Variants in TMEM108 observed in about 807,000 individuals in gnomAD.
TMEM108 encodes the protein cancer/testis antigen 124.
TMEM108 carries 12 observed loss-of-function variants against 35.1 expected under a neutral mutation model. The ratio of observed to expected loss-of-function variants is 0.34; its 90% CI spans 0.22 to 0.55. The LOEUF (loss-of-function observed/expected upper bound fraction) is 0.55. Among genes scored for constraint, TMEM108 ranks in the 20% least tolerant of loss-of-function variants. The pLI, the probability that TMEM108 is intolerant of heterozygous loss-of-function variation, is 0.89. For missense variants in TMEM108, 680 were observed against 753.3 expected, an observed-to-expected ratio of 0.90 and a Z score of 1.14; for synonymous variants, 287 against 308.6, an observed-to-expected ratio of 0.93 and a Z score of 0.73.
At chr3:133,044,975 C>CTT (rs1437116958) in intron 1 of TMEM108, among the ~76,000 whole-genome samples, 1 of 117,758 alleles carries the variant, frequency 8.5e-6, no homozygotes, top group East Asian at 2.6e-4. Context: ...TTTTTTTTTT[C>CTT]TTTTTTTTTT....
intron 3 of TMEM108, among the ~76,000 whole-genome samples, chr3:133,376,730 GTTTTCCC>G (rs1432778210): frequency 6.6e-6 from 1 of 152,174 alleles, no homozygotes; most frequent in African/African-American, 2.4e-5. Flanking sequence ...CCTCAGATTG[GTTTTCCC>G]TGTTTCACTA....
rs1001727517 is a variant in TMEM108, at chr3:133,243,770, G to A, written c.40+14419G>A. On this transcript the variant is annotated intron_variant, in intron 3 of 5. Transcript: ENST00000321871. ...GATCTCCTGACCTCGTGATCCACCC[G>A]CCTTGGCCTCCCAAAAGTGCTGGGA... 4.5e-4 allele frequency among the ~76,000 whole-genome samples: 6 copies of A among 13,444 alleles called. No individual in the cohort carries two copies. In the Admixed American group the frequency reaches 4.8e-3, roughly 11 times the overall value. 8.8% of individuals were successfully genotyped at this position (13,444 alleles called of 152,430 possible).
chr3:133,114,427 C>G (rs1238247738), intron 2 of TMEM108, among the ~76,000 whole-genome samples: 1 of 152,150 alleles, frequency 6.6e-6, no homozygotes. Context: ...GCTGGCGAGT[C>G]ATAATGTAAC....
intron 2 of TMEM108, among the ~76,000 whole-genome samples, chr3:133,054,262 A>G (rs2107676969): frequency 6.6e-6 from 1 of 152,360 alleles, no homozygotes; most frequent in Middle Eastern, 3.4e-3. Flanking sequence ...AAAAGCATGA[A>G]TCTGTTTTTT....
At chr3:133,246,864 A>G (rs1946393678) in intron 3 of TMEM108, 1 of 152,236 alleles carries the variant, frequency 6.6e-6, no homozygotes, top group Non-Finnish European at 1.5e-5. Flanking sequence ...AGCAACTCCA[A>G]AGGAAATTGT....
chr3:133,325,442 AC>A, intron 3 of TMEM108, among the ~76,000 whole-genome samples: 1 of 152,204 alleles, frequency 6.6e-6, no homozygotes, highest in Non-Finnish European at 1.5e-5. Flanking sequence ...GCAACCAAAC[AC>A]CATCTGTTCT....
intron 2 of TMEM108, among the ~76,000 whole-genome samples, chr3:133,204,100 C>T (rs1411306246): frequency 2.0e-5 from 3 of 151,982 alleles, no homozygotes; most frequent in Admixed American, 2.0e-4. Context: ...TTATAGTATT[C>T]TCTGATGGTA....
At chr3:133,109,442 A>G (rs1475534777) in intron 2 of TMEM108, among the ~76,000 whole-genome samples, 1 of 151,990 alleles carries the variant, frequency 6.6e-6, no homozygotes, top group Non-Finnish European at 1.5e-5. Flanking sequence ...AGCTTGGTCA[A>G]CATAGTGAGA....
At chr3:133,337,912 A>G (rs1451274301) in intron 3 of TMEM108, among the ~76,000 whole-genome samples, 1 of 152,184 alleles carries the variant, frequency 6.6e-6, no homozygotes, top group Admixed American at 6.5e-5. Flanking sequence ...TGCAATTGAC[A>G]TGCTGAAGAA....
intron 3 of TMEM108, among the ~76,000 whole-genome samples, chr3:133,278,188 G>A (rs2107686481): frequency 6.6e-6 from 1 of 152,332 alleles, no homozygotes; most frequent in East Asian, 1.9e-4. Context: ...ACAAGACATG[G>A]GAAGTAAAAG....
chr3:133,283,601 A>G (rs1309608683), intron 3 of TMEM108, among the ~76,000 whole-genome samples: 8 of 152,228 alleles, frequency 5.3e-5, no homozygotes, highest in Non-Finnish European at 1.0e-4. Flanking sequence ...AGTGAGACAA[A>G]TAAGAGACTG....
chr3:133,107,662 G>A (rs564611031), intron 2 of TMEM108, among the ~76,000 whole-genome samples: 3 of 152,186 alleles, frequency 2.0e-5, no homozygotes, highest in South Asian at 2.1e-4. Flanking sequence ...GCCAAAAAAG[G>A]GATTGCTCAT....
At chr3:133,275,591 T>A (rs991515333) in intron 3 of TMEM108, among the ~76,000 whole-genome samples, 8 of 152,182 alleles carry the variant, frequency 5.3e-5, no homozygotes, top group Non-Finnish European at 1.2e-4. Flanking sequence ...AATCCGTTAC[T>A]TGCAACTCTT....
intron 3 of TMEM108, among the ~76,000 whole-genome samples, chr3:133,289,285 T>G (rs1947029638): frequency 6.6e-6 from 1 of 152,160 alleles, no homozygotes; most frequent in African/African-American, 2.4e-5. Context: ...GTAGATATTA[T>G]TCTTGTCACT....
chr3:133,346,966 T>C lies in TMEM108; in HGVS notation c.41-32786T>C, dbSNP rs1254361631. On this transcript the variant is annotated intron_variant, in intron 3 of 5. Transcript: ENST00000321871. This position sits in a 1 kb window ranked among gnomAD's most constrained non-coding sequence, Gnocchi z 4.0. The stretch of plus-strand genomic sequence containing the variant: ...AGTTGACTTTATTTGCGTGAGTCTG[T>C]CTCTGGACCCTATTCTGTTCTGTTG... Among the ~76,000 whole-genome samples the C allele has an allele frequency of 6.6e-6, 1 of 152,126 alleles. No homozygotes were observed. The highest frequency in any genetic ancestry group is 2.4e-5 in the African/African-American group (1 of 41,468).
chr3:133,224,681 G>C (rs1054162870), intron 2 of TMEM108, among the ~76,000 whole-genome samples: 5 of 152,136 alleles, frequency 3.3e-5, no homozygotes, highest in African/African-American at 1.2e-4. Context: ...CACCATGATT[G>C]TGAGTCCTCC....
intron 2 of TMEM108, among the ~76,000 whole-genome samples, chr3:133,065,142 A>G (rs1037151467): frequency 1.3e-5 from 2 of 152,246 alleles, no homozygotes; most frequent in African/African-American, 4.8e-5. Flanking sequence ...CCTCGAACAT[A>G]GAGCTATTCA....
chr3:133,319,429 G>A (rs1009289573), intron 3 of TMEM108, among the ~76,000 whole-genome samples: 2 of 152,138 alleles, frequency 1.3e-5, no homozygotes, highest in African/African-American at 4.8e-5. Context: ...AACCAACTCA[G>A]GACATTACGG....
At chr3:133,154,131 G>A (rs967001875) in intron 2 of TMEM108, among the ~76,000 whole-genome samples, 1 of 151,798 alleles carries the variant, frequency 6.6e-6, no homozygotes, top group Non-Finnish European at 1.5e-5. Context: ...CTTTTTGATG[G>A]GGTTGTTTGT....
Sources: allele counts gnomAD v4.1 joint callset (sites outside exome capture counted in the v4.1 genomes callset), GRCh38; gene constraint gnomAD v4.1.1; non-coding constraint Gnocchi (gnomAD v3.1); transcripts MANE v1.5; gene names NCBI Gene and HGNC (gene_info 2026-07-23, HGNC 2026-07-21).